Variants in FHL1 observed in about 807,000 individuals in gnomAD.
The protein encoded by FHL1 is four and a half LIM domains protein 1.
A neutral mutation model predicts 20.3 loss-of-function variants in FHL1; 1 was observed. That is an observed-to-expected ratio of 0.05 (90% CI 0.02 to 0.23). FHL1 has a LOEUF of 0.23. FHL1 is among the 10% of genes least tolerant of loss of function. FHL1 has a pLI of 1.00. For synonymous variants in FHL1, 82 were observed against 88.9 expected (o/e 0.92, Z 0.44); for missense variants, 177 against 234.0 (o/e 0.76, Z 1.59).
chrX:136,193,703 T>G (rs1173284545), upstream of FHL1, among the ~76,000 whole-genome samples: 1 of 110,553 alleles, frequency 9.0e-6, no homozygotes, highest in African/African-American at 3.3e-5. Context: ...TAGTTTTTCC[T>G]TTCCATGCCC....
At chrX:136,148,181 G>A (rs1043016464) in intron 1 of FHL1, 10 of 103,764 alleles carry the variant, frequency 9.6e-5, no homozygotes, top group Non-Finnish European at 1.6e-4. Context: ...CATCAAGGAT[G>A]GCGGGGATCG....
chrX:136,199,789 C>T (rs2073658514), intron 1 of FHL1, among the ~76,000 whole-genome samples: 3 of 111,865 alleles, frequency 2.7e-5, no homozygotes, highest in Admixed American at 1.9e-4. Context: ...TAGAAAAATG[C>T]TACCTACTCA....
intron 5 of FHL1, chrX:136,209,548 C>T (rs991073749): frequency 3.6e-6 from 3 of 834,003 alleles, no homozygotes; most frequent in East Asian, 6.6e-5. Context: ...GAGGTCGGTG[C>T]GCGTCACAGG....
intron 1 of FHL1, among the ~76,000 whole-genome samples, chrX:136,202,619 GGT>G (rs2073742510): frequency 9.0e-6 from 1 of 110,787 alleles, no homozygotes; most frequent in South Asian, 3.9e-4. Flanking sequence ...AGCTGGGTGT[GGT>G]GTCACATGCC....
chrX:136,193,082 T>TAA (rs57788194), upstream of FHL1, among the ~76,000 whole-genome samples: 80 of 95,514 alleles, frequency 8.4e-4, 1 homozygote, highest in South Asian at 0.039. Context: ...AAGAGTCATG[T>TAA]AAAAAAAAAA....
At chrX:136,179,491 G>A (rs759509424) in intron 2 of FHL1, among the ~76,000 whole-genome samples, 108 of 111,958 alleles carry the variant, frequency 9.6e-4, no homozygotes, top group African/African-American at 3.0e-3. Flanking sequence ...AAGAGTAAAG[G>A]ATTTGGTCAG....
At chrX:136,179,028 A>G (rs1187860107) in intron 2 of FHL1, among the ~76,000 whole-genome samples, 2 of 111,986 alleles carry the variant, frequency 1.8e-5, no homozygotes, top group Admixed American at 1.9e-4. Context: ...AAGTGCTGGG[A>G]TTACAAGCAT....
intron 5 of FHL1, chrX:136,209,573 G>A: frequency 3.0e-6 from 2 of 672,392 alleles, no homozygotes; most frequent in Non-Finnish European, 4.4e-6. Context: ...TAGCGTGGTG[G>A]CATGGGAACG....
At chrX:136,186,802 C>T (rs1279332429) in intron 2 of FHL1, among the ~76,000 whole-genome samples, 5 of 104,961 alleles carry the variant, frequency 4.8e-5, no homozygotes, top group African/African-American at 1.4e-4. Context: ...TGCAGTGAGC[C>T]GAGATCGCAC....
intron 1 of FHL1, among the ~76,000 whole-genome samples, chrX:136,151,843 C>T (rs1367360305): frequency 8.9e-6 from 1 of 112,258 alleles, no homozygotes; most frequent in Admixed American, 9.4e-5. Context: ...ATATTCTCTT[C>T]ATTTTATAAA....
upstream of FHL1, chrX:136,147,327 GC>G (rs2072119901): frequency 9.8e-5 from 1 of 10,245 alleles, no homozygotes; most frequent in Non-Finnish European, 1.9e-4. Context: ...CGCCCGTCCG[GC>G]CGTCTCCCGC....
At chrX:136,186,525 C>T (rs1473021296) in intron 2 of FHL1, among the ~76,000 whole-genome samples, 1 of 111,295 alleles carries the variant, frequency 9.0e-6, no homozygotes, top group African/African-American at 3.3e-5. Flanking sequence ...ATTAAACTAA[C>T]TTACTACTGT....
chrX:136,171,133 C>G (rs376779999), intron 2 of FHL1, among the ~76,000 whole-genome samples: 11 of 111,487 alleles, frequency 9.9e-5, no homozygotes, highest in East Asian at 2.8e-4. Flanking sequence ...GAAGCAAGCT[C>G]GGTGATACAA....
chrX:136,204,668 G>C (rs1050470482), intron 1 of FHL1: 1 of 112,249 alleles, frequency 8.9e-6, no homozygotes, highest in African/African-American at 3.2e-5. Flanking sequence ...GAGATGAGGG[G>C]GGTCTGTGTG....
At chrX:136,172,355 G>A (rs1243018453) in intron 2 of FHL1, among the ~76,000 whole-genome samples, 1 of 112,514 alleles carries the variant, frequency 8.9e-6, no homozygotes, top group African/African-American at 3.2e-5. Flanking sequence ...TACCTTTTGG[G>A]TTTGATATTC....
At chrX:136,209,661 G>A (rs62603142) in intron 5 of FHL1, among the ~76,000 whole-genome samples, 226 of 110,188 alleles carry the variant, frequency 2.1e-3, no homozygotes, top group Non-Finnish European at 3.3e-3. Context: ...GCAGGGTTGC[G>A]GCGGCATGGG....
chrX:136,207,729 C>G, intron 3 of FHL1, 63 bp from the exon 4 acceptor site: 1 of 1,167,749 alleles, frequency 8.6e-7, no homozygotes, highest in African/African-American at 1.8e-5. Flanking sequence ...GGGAGGGGAG[C>G]TGAGTGGATG....
chrX:136,169,928 A>G (rs1268644938), exon 2 of FHL1: 1 of 330,896 alleles, frequency 3.0e-6, no homozygotes, highest in Non-Finnish European at 5.9e-6. Context: ...GTTGTTTTCA[A>G]CCATATCCAG....
chrX:136,178,157 GTCA>G (rs1218394981), intron 2 of FHL1, among the ~76,000 whole-genome samples: 2 of 111,499 alleles, frequency 1.8e-5, no homozygotes, highest in Non-Finnish European at 3.8e-5. Flanking sequence ...CATTATCATT[GTCA>G]TCATCATTAT....
Sources: allele counts gnomAD v4.1 joint callset (sites outside exome capture counted in the v4.1 genomes callset), GRCh38; gene constraint gnomAD v4.1.1; transcripts MANE v1.5; gene names NCBI Gene and HGNC (gene_info 2026-07-23, HGNC 2026-07-21).